Variants in TBX5 observed in about 807,000 individuals in gnomAD.
The protein encoded by TBX5 is T-box transcription factor TBX5.
A neutral mutation model predicts 51.1 loss-of-function variants in TBX5; 8 were observed. That is an observed-to-expected ratio of 0.16 (90% CI 0.09 to 0.28). The LOEUF (loss-of-function observed/expected upper bound fraction) is 0.28, where lower values mean the gene tolerates loss of function less well. Ranked by LOEUF, TBX5 falls within the 10% of genes least tolerant of loss-of-function variation. TBX5 has a pLI of 1.00. For missense variants in TBX5, 589 were observed against 671.7 expected (o/e 0.88, Z 1.36); for synonymous variants, 302 against 266.4 (o/e 1.13, Z -1.30).
At chr12:114,387,431 G>A (rs1420090163) in intron 6 of TBX5, among the ~76,000 whole-genome samples, 7 of 152,206 alleles carry the variant, frequency 4.6e-5, no homozygotes, top group African/African-American at 1.7e-4. Context: ...TAAGATATAT[G>A]ATTCCAACTA....
chr12:114,362,786 TCC>T (rs1278640710), intron 8 of TBX5, among the ~76,000 whole-genome samples: 1 of 152,166 alleles, frequency 6.6e-6, no homozygotes, highest in Non-Finnish European at 1.5e-5. Context: ...CATCTCAGCC[TCC>T]TGGGTTGGCT....
intron 6 of TBX5, among the ~76,000 whole-genome samples, chr12:114,387,599 T>G (rs777330425): frequency 6.6e-6 from 1 of 152,188 alleles, no homozygotes; most frequent in Non-Finnish European, 1.5e-5. Flanking sequence ...CACATCATTA[T>G]GTATTTGTCC....
chr12:114,373,940 T>C (rs756270742), intron 7 of TBX5, among the ~76,000 whole-genome samples: 3 of 152,206 alleles, frequency 2.0e-5, no homozygotes. Flanking sequence ...GAAGGAGTCC[T>C]CCAAGGCCTC....
intron 3 of TBX5, among the ~76,000 whole-genome samples, chr12:114,401,206 T>G (rs976668197): frequency 6.6e-6 from 1 of 152,046 alleles, no homozygotes; most frequent in Non-Finnish European, 1.5e-5. Flanking sequence ...CCGGGGCGAG[T>G]GTCTTGGCGA....
chr12:114,391,775 A>G (rs1871154219), intron 6 of TBX5, among the ~76,000 whole-genome samples: 1 of 152,196 alleles, frequency 6.6e-6, no homozygotes, highest in Non-Finnish European at 1.5e-5. Context: ...CACAAATCAC[A>G]TGCAACCCTG....
intron 2 of TBX5, among the ~76,000 whole-genome samples, chr12:114,402,241 G>A (rs1463294762): frequency 6.6e-6 from 1 of 151,982 alleles, no homozygotes; most frequent in Non-Finnish European, 1.5e-5. Context: ...TGTCACTGAG[G>A]AGGACCGGAA....
At chr12:114,376,374 A>G (rs954557798) in intron 7 of TBX5, among the ~76,000 whole-genome samples, 1 of 152,216 alleles carries the variant, frequency 6.6e-6, no homozygotes, top group Non-Finnish European at 1.5e-5. Flanking sequence ...GACATTGTTA[A>G]GTGAAACAAG....
At chr12:114,377,581 T>A (rs1593858881) in intron 7 of TBX5, among the ~76,000 whole-genome samples, 1 of 151,794 alleles carries the variant, frequency 6.6e-6, no homozygotes, top group Non-Finnish European at 1.5e-5. Context: ...TTTTATCTTT[T>A]TCTTTTTCTT....
rs200073406 is a variant in TBX5, at chr12:114,355,937, C to T, written c.1152G>A (p.Ala384=). 123 of 1,613,728 alleles carry T rather than the reference C, an allele frequency of 7.6e-5. 1 individual carries two copies. In the East Asian group the frequency reaches 2.4e-3, roughly 31 times the overall value. Residue 384 remains alanine, a synonymous_variant, in exon 9 of 9, where the codon GCG becomes GCA. Coordinates refer to ENST00000405440, the MANE Select transcript of TBX5 (RefSeq NM_181486.4). ...GGCTGGGCACAGGCTCGCTGGGGGGCGCAGAGCTGGCATACATGCAAGCTT... is the reference window on the plus strand; with the variant it reads ...GGCTGGGCACAGGCTCGCTGGGGGGTGCAGAGCTGGCATACATGCAAGCTT... ...QRQACMYASS[A]PPSEPVPSLE...
chr12:114,392,463 T>G (rs915539210), intron 6 of TBX5, among the ~76,000 whole-genome samples: 4 of 152,156 alleles, frequency 2.6e-5, no homozygotes, highest in African/African-American at 9.7e-5. Flanking sequence ...GAGTGAGTTT[T>G]CCCACATCTA....
intron 8 of TBX5, among the ~76,000 whole-genome samples, chr12:114,359,769 G>A (rs1483355125): frequency 6.6e-6 from 1 of 152,194 alleles, no homozygotes; most frequent in Non-Finnish European, 1.5e-5. Context: ...TGAATCACCA[G>A]GTCATTCCAA....
chr12:114,403,981 A>G (rs911133334), intron 1 of TBX5, 45 bp from the exon 2 acceptor site: 8 of 1,554,816 alleles, frequency 5.1e-6, no homozygotes, highest in Middle Eastern at 2.1e-4. Context: ...GAGGACAGAG[A>G]GAGAACGAGA....
chr12:114,394,553 G>A (rs1485108721), intron 6 of TBX5, among the ~76,000 whole-genome samples, 188 bp downstream of exon 6: 1 of 152,170 alleles, frequency 6.6e-6, no homozygotes, highest in Non-Finnish European at 1.5e-5. Context: ...GTCAAGCCAA[G>A]CTCGTGGATA....
intron 8 of TBX5, among the ~76,000 whole-genome samples, chr12:114,362,085 C>T (rs1487481432): frequency 4.6e-5 from 7 of 152,016 alleles, no homozygotes; most frequent in Non-Finnish European, 8.8e-5. Context: ...ACCTTGTTAT[C>T]GCCAACCAGC....
chr12:114,407,293 C>T (rs573247087), upstream of TBX5, among the ~76,000 whole-genome samples: 9 of 152,298 alleles, frequency 5.9e-5, no homozygotes, highest in Admixed American at 1.3e-4. Context: ...TTTGCCCAGG[C>T]GATGTATTTA....
intron 7 of TBX5, among the ~76,000 whole-genome samples, chr12:114,380,278 C>T (rs1324136460): frequency 6.6e-6 from 1 of 152,174 alleles, no homozygotes; most frequent in East Asian, 1.9e-4. Context: ...TATAAAAAAC[C>T]AGGGCCTAGA....
Position 114,366,380 on chromosome 12 carries a change from G to A in TBX5, c.767C>T (p.Pro256Leu). Residue 256 changes from proline to leucine, a missense_variant, in exon 8 of 9, where the codon CCC (proline) becomes CTC (leucine). This residue lies in a region of TBX5 where 348 missense variants were observed against 360.4 expected (regional missense o/e 0.97). Transcript: ENST00000405440. ...CCTCACGGTGCTCCTGGGGACCACGGGATATTCTTTACTGAAAGAGAAAAG... is the reference window on the plus strand; with the variant it reads ...CCTCACGGTGCTCCTGGGGACCACGAGATATTCTTTACTGAAAGAGAAAAG... ...RMSRMQSKEY[P>L]VVPRSTVRQK... The A allele has an allele frequency of 1.2e-6, 2 of 1,614,074 alleles. No individual in the cohort carries two copies. Among genetic ancestry groups the A allele is most frequent in the Non-Finnish European group, 1.7e-6 (2 of 1,180,010 alleles).
At chr12:114,370,340 A>G (rs1869823292) in intron 7 of TBX5, among the ~76,000 whole-genome samples, 1 of 149,022 alleles carries the variant, frequency 6.7e-6, no homozygotes, top group Non-Finnish European at 1.5e-5. Flanking sequence ...AGAGAAAAGA[A>G]AAAAGAAAAG....
intron 6 of TBX5, among the ~76,000 whole-genome samples, chr12:114,389,283 G>A (rs1565936974): frequency 1.3e-5 from 2 of 151,994 alleles, no homozygotes; most frequent in Non-Finnish European, 2.9e-5. Context: ...AATCCTTTTG[G>A]AAAGTCATCT....
Sources: allele counts gnomAD v4.1 joint callset (sites outside exome capture counted in the v4.1 genomes callset), GRCh38; gene constraint gnomAD v4.1.1; regional missense constraint gnomAD v4.1.1; transcripts MANE v1.5; gene names NCBI Gene and HGNC (gene_info 2026-07-23, HGNC 2026-07-21).